MAGI2: variants seen among roughly 807,000 people sequenced by gnomAD.
The protein encoded by MAGI2 is membrane associated guanylate kinase, WW and PDZ domain containing 2.
A neutral mutation model predicts 133.3 loss-of-function variants in MAGI2; 35 were observed. That is an observed-to-expected ratio of 0.26 (90% CI 0.20 to 0.35). The LOEUF is 0.35. Among genes scored for constraint, MAGI2 ranks in the 10% least tolerant of loss-of-function variants. The pLI is 1.00. For synonymous variants in MAGI2, 729 were observed against 710.6 expected, an observed-to-expected ratio of 1.03 and a Z score of -0.41; for missense variants, 1,636 against 1,863.4, an observed-to-expected ratio of 0.88 and a Z score of 2.25.
At chr7:79,350,879 G>A (rs1274013059) in intron 1 of MAGI2, among the ~76,000 whole-genome samples, 1 of 152,052 alleles carries the variant, frequency 6.6e-6, no homozygotes, top group Non-Finnish European at 1.5e-5. Context: ...CTGGAAATGA[G>A]GGAAATCTAT....
intron 2 of MAGI2, 74 bp downstream of exon 2, chr7:79,007,016 C>T: frequency 8.9e-7 from 1 of 1,127,884 alleles, no homozygotes; most frequent in Non-Finnish European, 1.2e-6. Context: ...ATTTCACTTT[C>T]TTTTAATCAA....
chr7:78,576,873 C>A (rs146023285), intron 3 of MAGI2, among the ~76,000 whole-genome samples: 1 of 152,010 alleles, frequency 6.6e-6, no homozygotes, highest in South Asian at 2.1e-4. Context: ...CTGAGGCAGG[C>A]GTATTACTTG....
chr7:78,508,600 T>G (rs1230127811), intron 4 of MAGI2, among the ~76,000 whole-genome samples: 1 of 152,224 alleles, frequency 6.6e-6, no homozygotes. Context: ...AGCTTGCCTG[T>G]GTCAGCTACT....
chr7:79,297,729 C>T (rs563115677), intron 1 of MAGI2, among the ~76,000 whole-genome samples: 25 of 152,114 alleles, frequency 1.6e-4, no homozygotes, highest in South Asian at 6.2e-4. Flanking sequence ...GGGTTTAGTG[C>T]GGGTATTTTT....
chr7:78,934,811 A>C (rs550487471), intron 2 of MAGI2, among the ~76,000 whole-genome samples: 3 of 152,280 alleles, frequency 2.0e-5, no homozygotes, highest in Non-Finnish European at 4.4e-5. Context: ...TCAAATCTGT[A>C]CCTAACATGA....
chr7:79,383,578 T>G (rs1488782710), intron 1 of MAGI2, among the ~76,000 whole-genome samples: 1 of 151,528 alleles, frequency 6.6e-6, no homozygotes, highest in East Asian at 1.9e-4. Context: ...TATAAAATAT[T>G]TAAAATGTAA....
At chr7:78,597,218 T>G (rs919232097) in intron 3 of MAGI2, among the ~76,000 whole-genome samples, 1 of 152,148 alleles carries the variant, frequency 6.6e-6, no homozygotes, top group East Asian at 1.9e-4. Context: ...TCCAATAAAT[T>G]TATCTATAGC....
At chr7:78,151,384 A>C (rs935904957) in intron 16 of MAGI2, among the ~76,000 whole-genome samples, 1 of 152,160 alleles carries the variant, frequency 6.6e-6, no homozygotes, top group Non-Finnish European at 1.5e-5. Context: ...CCTCCTATTT[A>C]GGACTATATA....
At chr7:78,660,684 G>A (rs1812854592) in intron 2 of MAGI2, among the ~76,000 whole-genome samples, 1 of 152,068 alleles carries the variant, frequency 6.6e-6, no homozygotes, top group Non-Finnish European at 1.5e-5. Flanking sequence ...ATTTCTAAAT[G>A]CTTTAGGAAC....
intron 16 of MAGI2, among the ~76,000 whole-genome samples, chr7:78,159,036 C>T (rs1218714263): frequency 6.6e-6 from 1 of 152,112 alleles, no homozygotes; most frequent in Non-Finnish European, 1.5e-5. Context: ...CCATCTCCAA[C>T]CCAACCACAT....
intron 1 of MAGI2, among the ~76,000 whole-genome samples, chr7:79,168,136 G>A (rs1249574287): frequency 6.6e-6 from 1 of 151,930 alleles, no homozygotes; most frequent in Non-Finnish European, 1.5e-5. Flanking sequence ...AAATATGTGG[G>A]TAAATCTCTG....
chr7:78,461,393 C>CGTGT (rs10654835), intron 6 of MAGI2, among the ~76,000 whole-genome samples: 1,581 of 138,092 alleles, frequency 0.011, 14 homozygotes, highest in Middle Eastern at 0.021. Context: ...CGTGTGTGTG[C>CGTGT]GTGTGTGTGT....
At position 78,069,539 on chromosome 7, in the gene MAGI2, G is replaced by GGAGAGAGAGAGAGAGAGA. The variant is rs3840607; in HGVS notation, c.3706+9390_3706+9407dup. Reference sequence around the variant, plus strand: ...AGAGAGAGATTGAAAGAAAGAGAGAGGAGAGAGAGAGAGAGAGAGAGAGAG... The same window carrying GGAGAGAGAGAGAGAGAGA: ...AGAGAGAGATTGAAAGAAAGAGAGAGGAGAGAGAGAGAGAGAGAGAGAGAGAGAGAGAGAGAGAGAGAG... On this transcript the variant is annotated intron_variant, in intron 21 of 21. Transcript: ENST00000354212. Among the ~76,000 whole-genome samples, 350 of 134,686 alleles carry GGAGAGAGAGAGAGAGAGA rather than the reference G, an allele frequency of 2.6e-3. 1 individual carries two copies. Among genetic ancestry groups the GGAGAGAGAGAGAGAGAGA allele is most frequent in the East Asian group, 0.012 (55 of 4,580 alleles). The allele number at this position is 134,686 out of a possible 152,430, so 88.4% of individuals were successfully genotyped here.
At chr7:78,221,035 G>T (rs1107560) in intron 10 of MAGI2, among the ~76,000 whole-genome samples, 21,924 of 152,118 alleles carry the variant, frequency 0.14, 1,927 homozygotes, top group East Asian at 0.32. Context: ...TTTCTTCCTT[G>T]GCTCACTATG....
In MAGI2 at chr7:79,073,558, C is replaced by T. The variant is rs541683833; in HGVS notation, c.302-66352G>A. ...ACTTCTGCCAACTCCATTCTCCTCA[C>T]ACTTTTATCTTTTACAAGGACTACT... On this transcript the variant is annotated intron_variant, in intron 1 of 21. Transcript: ENST00000354212. Among the ~76,000 whole-genome samples, 126 of 152,236 alleles carry T rather than the reference C, an allele frequency of 8.3e-4. 1 individual carries two copies. Among genetic ancestry groups the T allele is most frequent in the African/African-American group, 3.0e-3 (123 of 41,540 alleles).
At chr7:78,195,644 G>A (rs1040798669) in intron 11 of MAGI2, among the ~76,000 whole-genome samples, 7 of 152,134 alleles carry the variant, frequency 4.6e-5, no homozygotes, top group African/African-American at 1.7e-4. Context: ...ATTTACTGTG[G>A]ATCTGGTGGT....
intron 20 of MAGI2, among the ~76,000 whole-genome samples, chr7:78,094,140 C>T (rs1817494899): frequency 6.6e-6 from 1 of 152,172 alleles, no homozygotes; most frequent in African/African-American, 2.4e-5. Context: ...TGAGCTCTCC[C>T]ATGCCACTGA....
intron 5 of MAGI2, among the ~76,000 whole-genome samples, chr7:78,497,855 C>G (rs868018847): frequency 3.3e-5 from 5 of 152,098 alleles, no homozygotes; most frequent in Non-Finnish European, 7.3e-5. Context: ...AGGATACAGA[C>G]TTCAGCAAAG....
chr7:78,251,245 G>A (rs1319927415), intron 10 of MAGI2, among the ~76,000 whole-genome samples: 1 of 152,082 alleles, frequency 6.6e-6, no homozygotes, highest in Non-Finnish European at 1.5e-5. Context: ...ACCTGATAAA[G>A]GGCATATAAA....
Sources: gnomAD v4.1 joint callset for allele counts (sites outside exome capture counted in the v4.1 genomes callset) on GRCh38, gnomAD v4.1.1 for gene constraint, MANE v1.5 for transcripts, NCBI Gene and HGNC (gene_info 2026-07-23, HGNC 2026-07-21) for gene names.